GPLD1: variants seen among roughly 807,000 people sequenced by gnomAD.
GPLD1 encodes glycosylphosphatidylinositol specific phospholipase D1, also known as phosphatidylinositol-glycan-specific phospholipase D.
GPLD1 carries 84 observed loss-of-function variants against 112.6 expected under a neutral mutation model. The ratio of observed to expected loss-of-function variants is 0.75; its 90% confidence interval spans 0.63 to 0.89. GPLD1 has a LOEUF of 0.89. Ranked by LOEUF, GPLD1 falls within the 40% of genes least tolerant of loss-of-function variation. GPLD1 has a pLI of 0.00. For missense variants in GPLD1, 1,044 were observed against 1,051.5 expected (o/e 0.99, Z 0.10); for synonymous variants, 386 against 403.8 (o/e 0.96, Z 0.53).
intron 3 of GPLD1, among the ~76,000 whole-genome samples, chr6:24,478,521 C>T (rs985838082): frequency 6.6e-6 from 1 of 152,190 alleles, no homozygotes; most frequent in African/African-American, 2.4e-5. Context: ...TCCAGACCCA[C>T]TCCCCATCCT....
chr6:24,434,077 T>C (rs1762493054), intron 22 of GPLD1, among the ~76,000 whole-genome samples: 1 of 151,988 alleles, frequency 6.6e-6, no homozygotes, highest in South Asian at 2.1e-4. Flanking sequence ...AAGAAAATGT[T>C]CTCGGTATAT....
In GPLD1 at chr6:24,467,260, T is replaced by A. The variant is rs779987933; in HGVS notation, c.560A>T (p.Lys187Ile). 6.9e-6 allele frequency: 11 copies of A among 1,583,888 alleles called. No homozygotes were observed. The South Asian group carries it at 1.2e-4, about 18-fold the overall frequency. The change falls in exon 8 of 25, where the codon AAA becomes ATA. Residue 187 changes from lysine to isoleucine, a missense_variant. By Grantham distance (102) the Lys-to-Ile change is moderately radical (BLOSUM62 -3). Transcript: ENST00000230036. ...YLARRWYVPV[K>I]DLLGIYEKLY... ...TTTCTCATAAATTCCCAGTAGATCT[T>A]TGACTGGCACATACCTGAAAAATGC... is the stretch of plus-strand genomic sequence containing the variant.
chr6:24,456,197 G>A (rs535740566), intron 13 of GPLD1, among the ~76,000 whole-genome samples: 8 of 152,146 alleles, frequency 5.3e-5, no homozygotes, highest in South Asian at 2.1e-4. Context: ...CCAGAAGTTC[G>A]AGATCAGCCT....
rs1327635163 is a variant in GPLD1 at position 24,479,942 on chromosome 6, C to T, written c.171G>A (p.Gln57=). 3.1e-6 allele frequency: 5 copies of T among 1,608,194 alleles called. No individual in the cohort carries two copies. The highest frequency in any genetic ancestry group is 4.3e-6 in the Non-Finnish European group (5 of 1,174,714). ...VNYRELLLEH[Q]DAYQAGIVFP... ...ACACGATTCCAGCCTGATACGCATCCTGGTGTTCTAGTAACAGCTGCAGAG... is the reference window on the plus strand; with the variant it reads ...ACACGATTCCAGCCTGATACGCATCTTGGTGTTCTAGTAACAGCTGCAGAG... Residue 57 remains glutamine (Q), a synonymous_variant, in exon 3 of 25, where the codon CAG becomes CAA. Coordinates refer to ENST00000230036, the MANE Select transcript of GPLD1 (RefSeq NM_001503.4).
chr6:24,464,196 C>T (rs995582447), intron 10 of GPLD1, among the ~76,000 whole-genome samples: 3 of 152,164 alleles, frequency 2.0e-5, no homozygotes, highest in Non-Finnish European at 4.4e-5. Context: ...TTACTCTATT[C>T]TAAACCCTTT....
intron 20 of GPLD1, among the ~76,000 whole-genome samples, chr6:24,438,845 G>A (rs896611433): frequency 2.6e-5 from 4 of 151,898 alleles, no homozygotes; most frequent in African/African-American, 4.8e-5. Context: ...GGAGTACAGC[G>A]GCGTGATCTC....
chr6:24,435,836 A>AAAAAAAATAAAAAAAAT (rs1762559697), intron 22 of GPLD1: 2 of 146,528 alleles, frequency 1.4e-5, no homozygotes, highest in African/African-American at 2.5e-5. Flanking sequence ...AAAAAAAAAA[A>AAAAAAAATAAAAAAAAT]AAAAAAAAAA....
intron 20 of GPLD1, among the ~76,000 whole-genome samples, chr6:24,439,921 C>G (rs35273350): frequency 2.0e-3 from 310 of 152,284 alleles, no homozygotes; most frequent in Non-Finnish European, 3.4e-3. Context: ...CTCCATATTG[C>G]CTTAATTTCT....
chr6:24,457,830 G>A (rs1581756916), intron 12 of GPLD1, among the ~76,000 whole-genome samples: 3 of 151,598 alleles, frequency 2.0e-5, no homozygotes, highest in Middle Eastern at 6.8e-3. Context: ...CTGAGATCGT[G>A]CCGCTGCACG....
chr6:24,430,287 G>A (rs1762361804), intron 24 of GPLD1, among the ~76,000 whole-genome samples: 3 of 152,188 alleles, frequency 2.0e-5, no homozygotes, highest in Admixed American at 2.0e-4. Flanking sequence ...TCCAGATGCA[G>A]CTCCGGGCCC....
At chr6:24,448,439 G>A (rs559426128) in intron 15 of GPLD1, among the ~76,000 whole-genome samples, 2 of 147,916 alleles carry the variant, frequency 1.4e-5, no homozygotes, top group South Asian at 2.1e-4. Context: ...TAATTAAAGC[G>A]AGACCTTGTC....
chr6:24,466,591 G>T, intron 10 of GPLD1, 89 bp downstream of exon 10: 3 of 972,956 alleles, frequency 3.1e-6, no homozygotes, highest in Non-Finnish European at 4.7e-6. Flanking sequence ...TTGTTTTTAT[G>T]TGATCAGTTG....
chr6:24,494,525 G>A (rs1044408589), upstream of GPLD1, among the ~76,000 whole-genome samples: 1 of 152,082 alleles, frequency 6.6e-6, no homozygotes, highest in African/African-American at 2.4e-5. Context: ...GCGTGATCAC[G>A]GCCTTGGCAT....
chr6:24,450,138 G>A (rs1210776167), intron 14 of GPLD1, among the ~76,000 whole-genome samples: 1 of 152,240 alleles, frequency 6.6e-6, no homozygotes, highest in African/African-American at 2.4e-5. Context: ...TAGAGGGTTG[G>A]TTCTTATGAG....
exon 1 of GPLD1, chr6:24,495,018 C>A (rs767601869): frequency 7.5e-6 from 10 of 1,329,658 alleles, no homozygotes; most frequent in East Asian, 2.8e-5. Context: ...CATTTGGCTG[C>A]GGAGCTGTGG....
At chr6:24,439,547 A>G (rs1762681074) in intron 20 of GPLD1, among the ~76,000 whole-genome samples, 1 of 152,224 alleles carries the variant, frequency 6.6e-6, no homozygotes, top group South Asian at 2.1e-4. Flanking sequence ...TAATTTCATC[A>G]AAGTGTTTTT....
At chr6:24,437,407 C>A in intron 20 of GPLD1, 118 bp from the exon 21 acceptor site, 1 of 952,846 alleles carries the variant, frequency 1.0e-6, no homozygotes, top group Non-Finnish European at 1.6e-6. Flanking sequence ...CAGTCGGTTT[C>A]GGAGCTGGTC....
intron 2 of GPLD1, among the ~76,000 whole-genome samples, chr6:24,485,314 G>A (rs143227803): frequency 2.6e-5 from 4 of 152,164 alleles, no homozygotes; most frequent in Admixed American, 2.6e-4. Flanking sequence ...AAGGTGGAAG[G>A]ATTGCTTGAG....
At position 24,489,405 on chromosome 6, in the gene GPLD1, C is replaced by T; in HGVS notation, c.97+10G>A. 1 of 1,553,582 alleles carries T rather than the reference C, an allele frequency of 6.4e-7. No homozygotes were observed. Reference sequence around the variant, plus strand: ...TCCTCTCAACAACATAACAAGACACCAGTACTTACCTATTTCTACGTGTGT... The same window carrying T: ...TCCTCTCAACAACATAACAAGACACTAGTACTTACCTATTTCTACGTGTGT... On this transcript the variant is annotated intron_variant, in intron 1 of 24. Coordinates refer to ENST00000230036, the MANE Select transcript of GPLD1 (RefSeq NM_001503.4).
Sources: allele counts gnomAD v4.1 joint callset (sites outside exome capture counted in the v4.1 genomes callset), GRCh38; gene constraint gnomAD v4.1.1; transcripts MANE v1.5; gene names NCBI Gene and HGNC (gene_info 2026-07-23, HGNC 2026-07-21).